Variants in ORMDL1 observed in about 807,000 individuals in gnomAD.
The protein encoded by ORMDL1 is ORMDL sphingolipid biosynthesis regulator 1.
In ORMDL1, 10 loss-of-function variants were observed where a neutral mutation model predicts 13.0. The ratio of observed to expected loss-of-function variants is 0.77; its 90% CI spans 0.47 to 1.30. The LOEUF (loss-of-function observed/expected upper bound fraction) is 1.30. ORMDL1 is among the 50% of genes most tolerant of loss of function. The pLI, the probability that ORMDL1 is intolerant of heterozygous loss-of-function variation, is 0.00. For missense variants in ORMDL1, 171 were observed against 186.7 expected, an observed-to-expected ratio of 0.92 and a Z score of 0.49; for synonymous variants, 61 against 63.9, an observed-to-expected ratio of 0.95 and a Z score of 0.22.
rs1410934886 is a variant in ORMDL1, at chr2:189,782,590, G to A, written c.6C>T (p.Asn2=). The change falls in exon 3 of 5, where the codon AAC becomes AAT. Residue 2 remains asparagine, a synonymous_variant. Coordinates refer to ENST00000392349, the MANE Select transcript of ORMDL1 (RefSeq NM_016467.5). Reference sequence around the variant, plus strand: ...TCACTTCACTGTGGGCAACTCCAACGTTCATGTTTGCTCTGTAGGAAGTAA... The same window carrying A: ...TCACTTCACTGTGGGCAACTCCAACATTCATGTTTGCTCTGTAGGAAGTAA... M[N]VGVAHSEVNP... is the part of the protein sequence containing the mutation. 6 of 1,613,758 alleles carry A rather than the reference G, an allele frequency of 3.7e-6. No homozygotes were observed. Among genetic ancestry groups the A allele is most frequent in the South Asian group, 1.1e-5 (1 of 91,060 alleles).
At chr2:189,768,904 G>A (rs1490240530), downstream of ORMDL1, among the ~76,000 whole-genome samples, 1 of 152,106 alleles carries the variant, frequency 6.6e-6, no homozygotes, top group Non-Finnish European at 1.5e-5. Context: ...CCATGCTGTT[G>A]ACACCAATTT....
At chr2:189,764,424 G>A in the ORMDL1 span, 4 of 152,372 alleles carry the variant, frequency 2.6e-5, no homozygotes. Flanking sequence ...CTTGGCCAGT[G>A]TTGAGTCCGA....
At chr2:189,766,625 G>A (rs955008053), downstream of ORMDL1, among the ~76,000 whole-genome samples, 1 of 152,122 alleles carries the variant, frequency 6.6e-6, no homozygotes. Context: ...GTGGGAGGCT[G>A]AGGCATGAGA....
Position 189,771,718 on chromosome 2 carries a change from T to C in ORMDL1, c.*49A>G, listed in dbSNP as rs1262824690. ...GTGCAGTTTACTAACCACTCCTTCC[T>C]TATAAGAAATTCAGTAGCTGTAAAA... is the stretch of plus-strand genomic sequence containing the variant. On this transcript the variant is annotated 3_prime_UTR_variant, in exon 5 of 5. Transcript: ENST00000392349. 6.7e-7 allele frequency: 1 copy of C among 1,493,552 alleles called. No individual in the cohort carries two copies. The highest frequency in any genetic ancestry group is 9.1e-7 in the Non-Finnish European group (1 of 1,100,840). The allele number at this position is 1,493,552 out of a possible 1,614,324, so 92.5% of individuals were successfully genotyped here. A position where few individuals can be genotyped will look rare whatever the true frequency, so the allele number is the denominator to read the frequency against.
downstream of ORMDL1, among the ~76,000 whole-genome samples, chr2:189,766,593 G>C (rs1418857903): frequency 6.6e-6 from 1 of 152,136 alleles, no homozygotes; most frequent in African/African-American, 2.4e-5. Context: ...TTGTGGTGAT[G>C]AATGCCTGTA....
downstream of ORMDL1, among the ~76,000 whole-genome samples, chr2:189,768,448 GAC>G (rs1160747339): frequency 6.6e-6 from 1 of 152,166 alleles, no homozygotes; most frequent in East Asian, 1.9e-4. Flanking sequence ...TGATATAGAA[GAC>G]ACAGGAGAAA....
chr2:189,770,596 CAT>C lies in ORMDL1; in HGVS notation c.*1169_*1170del, dbSNP rs753134931. On this transcript the variant is annotated 3_prime_UTR_variant, in exon 5 of 5. Coordinates refer to ENST00000392349, the MANE Select transcript of ORMDL1 (RefSeq NM_016467.5). Reference sequence around the variant, plus strand: ...CATATCTGAACTTTGTTTTTTTTGACATGTTTACTTCTCAAAGTAGTATATAG... The same window carrying C: ...CATATCTGAACTTTGTTTTTTTTGACGTTTACTTCTCAAAGTAGTATATAG... 1 of 152,002 alleles carries C rather than the reference CAT, an allele frequency of 6.6e-6. No homozygotes were observed. Among genetic ancestry groups the C allele is most frequent in the Non-Finnish European group, 1.5e-5 (1 of 67,978 alleles). The allele number at this position is 152,002 out of a possible 1,614,324, so 9.4% of individuals were successfully genotyped here.
At chr2:189,779,044 G>C (rs1161363735) in intron 3 of ORMDL1, among the ~76,000 whole-genome samples, 1 of 152,094 alleles carries the variant, frequency 6.6e-6, no homozygotes, top group Non-Finnish European at 1.5e-5. Context: ...TGAGCATGGT[G>C]GCACACACCT....
chr2:189,765,772 G>C (rs1293930407), downstream of ORMDL1, among the ~76,000 whole-genome samples: 1 of 151,284 alleles, frequency 6.6e-6, no homozygotes, highest in Non-Finnish European at 1.5e-5. Context: ...CTTTCCACTT[G>C]AGTCACATTG....
chr2:189,774,236 C>T (rs918192115), intron 4 of ORMDL1, among the ~76,000 whole-genome samples: 7 of 152,180 alleles, frequency 4.6e-5, no homozygotes, highest in African/African-American at 1.7e-4. Flanking sequence ...CAGCTCACTG[C>T]AGCCTCTTAA....
chr2:189,766,646 C>G (rs534230210), downstream of ORMDL1, among the ~76,000 whole-genome samples: 2 of 152,070 alleles, frequency 1.3e-5, no homozygotes, highest in African/African-American at 2.4e-5. Flanking sequence ...ATCACTTGAA[C>G]CTGGGAGGCA....
At chr2:189,766,494 G>A (rs1304774038), downstream of ORMDL1, among the ~76,000 whole-genome samples, 1 of 152,198 alleles carries the variant, frequency 6.6e-6, no homozygotes, top group Non-Finnish European at 1.5e-5. Context: ...TTGGGAGGCT[G>A]AGGTGGGCGG....
downstream of ORMDL1, among the ~76,000 whole-genome samples, chr2:189,766,076 C>T (rs112523746): frequency 0.032 from 4,827 of 152,152 alleles, 147 homozygotes; most frequent in Non-Finnish European, 0.045. Context: ...CCACCTGCCT[C>T]GGCCTCCCAA....
At chr2:189,777,748 A>G (rs2047730064) in intron 3 of ORMDL1, among the ~76,000 whole-genome samples, 1 of 152,232 alleles carries the variant, frequency 6.6e-6, no homozygotes, top group Non-Finnish European at 1.5e-5. Context: ...AATCCTGTGA[A>G]GCATTAATAC....
chr2:189,780,588 G>A (rs547299259), intron 3 of ORMDL1, among the ~76,000 whole-genome samples: 4 of 152,232 alleles, frequency 2.6e-5, no homozygotes, highest in South Asian at 2.1e-4. Context: ...AGAATACATA[G>A]CATAAGAAGA....
At chr2:189,776,503 T>G (rs1371055126) in intron 3 of ORMDL1, among the ~76,000 whole-genome samples, 1 of 152,180 alleles carries the variant, frequency 6.6e-6, no homozygotes, top group African/African-American at 2.4e-5. Context: ...GATCACTGCT[T>G]GAGGCACTTT....
rs775143435 is a variant in ORMDL1, at chr2:189,770,652, A to G, written c.*1115T>C. Reference sequence around the variant, plus strand: ...TTTCTTGCAATTAATGTCAGCAACTATAAGAAGCTTTCCTAAGTCACAAGA... The same window carrying G: ...TTTCTTGCAATTAATGTCAGCAACTGTAAGAAGCTTTCCTAAGTCACAAGA... On this transcript the variant is annotated 3_prime_UTR_variant, in exon 5 of 5. Coordinates refer to ENST00000392349, the MANE Select transcript of ORMDL1 (RefSeq NM_016467.5). The G allele has an allele frequency of 6.6e-6, 1 of 152,206 alleles. No homozygotes were observed. The highest frequency in any genetic ancestry group is 1.5e-5 in the Non-Finnish European group (1 of 68,030). The allele number at this position is 152,206 out of a possible 1,614,324, so 9.4% of individuals were successfully genotyped here.
chr2:189,768,635 G>A (rs576834376), downstream of ORMDL1, among the ~76,000 whole-genome samples: 3 of 152,188 alleles, frequency 2.0e-5, no homozygotes, highest in South Asian at 6.2e-4. Context: ...AAGATTTAAG[G>A]TTTTAGTGAC....
intron 3 of ORMDL1, among the ~76,000 whole-genome samples, chr2:189,777,232 C>T (rs2047719149): frequency 6.6e-6 from 1 of 152,062 alleles, no homozygotes; most frequent in South Asian, 2.1e-4. Flanking sequence ...ACTGGGACAC[C>T]GCAAGACATT....
Sources: allele counts gnomAD v4.1 joint callset (sites outside exome capture counted in the v4.1 genomes callset), GRCh38; gene constraint gnomAD v4.1.1; transcripts MANE v1.5; gene names NCBI Gene and HGNC (gene_info 2026-07-23, HGNC 2026-07-21).